Variants in CSMD1 observed in about 807,000 individuals in gnomAD.
The protein encoded by CSMD1 is CUB and sushi domain-containing protein 1.
CSMD1 carries 213 observed loss-of-function variants against 417.5 expected under a neutral mutation model. That is an observed-to-expected ratio of 0.51 (90% confidence interval 0.46 to 0.57). The LOEUF is 0.57. Ranked by LOEUF, CSMD1 falls within the 20% of genes least tolerant of loss-of-function variation. The pLI is 0.00. For missense variants in CSMD1, 6,923 were observed against 4,529.7 expected (o/e 1.53, Z -15.17); for synonymous variants, 2,862 against 1,736.8 (o/e 1.65, Z -16.11).
intron 3 of CSMD1, among the ~76,000 whole-genome samples, chr8:4,302,836 G>A (rs1414548917): frequency 6.6e-6 from 1 of 152,106 alleles, no homozygotes; most frequent in Non-Finnish European, 1.5e-5. Context: ...TAGTGACCCT[G>A]TGTTTTCCAG....
intron 41 of CSMD1, among the ~76,000 whole-genome samples, chr8:3,133,693 G>A (rs1410579731): frequency 6.6e-6 from 1 of 152,152 alleles, no homozygotes; most frequent in Non-Finnish European, 1.5e-5. Flanking sequence ...GAGACAGGAG[G>A]CTGCTGGCAG....
intron 3 of CSMD1, among the ~76,000 whole-genome samples, chr8:4,320,703 C>G (rs1204833960): frequency 6.6e-6 from 1 of 152,156 alleles, no homozygotes; most frequent in Non-Finnish European, 1.5e-5. Flanking sequence ...TTTTTTATGG[C>G]TGCATAGTAT....
intron 3 of CSMD1, among the ~76,000 whole-genome samples, chr8:4,234,818 G>C (rs1287436155): frequency 3.3e-5 from 5 of 152,148 alleles, no homozygotes; most frequent in African/African-American, 1.2e-4. Context: ...TGGTTGGAGA[G>C]ATAAGAACAG....
In CSMD1 at chr8:3,526,356, G is replaced by A. The variant is rs144132954; in HGVS notation, c.1345-32630C>T. On this transcript the variant is annotated intron_variant, in intron 10 of 69. Transcript: ENST00000635120. ...GAAATTGGACACTCCAAATCCCTTT[G>A]GTGTGAGTTGAGAGTAATAACGTCT... Among the ~76,000 whole-genome samples, 759 of 151,996 alleles carry A rather than the reference G, an allele frequency of 5.0e-3. 5 individuals carry two copies. Among genetic ancestry groups the A allele is most frequent in the African/African-American group, 0.017 (725 of 41,432 alleles).
intron 5 of CSMD1, among the ~76,000 whole-genome samples, chr8:3,810,898 T>C (rs137992837): frequency 7.2e-5 from 11 of 152,260 alleles, no homozygotes; most frequent in African/African-American, 1.2e-4. Context: ...CCCTGAGATG[T>C]TGAGAAAAGT....
At chr8:3,752,807 G>C (rs1036534181) in intron 6 of CSMD1, among the ~76,000 whole-genome samples, 2 of 151,638 alleles carry the variant, frequency 1.3e-5, no homozygotes, top group South Asian at 2.1e-4. Context: ...TGCTGGTTCC[G>C]ATGTGTACTT....
At chr8:3,766,935 C>G (rs374968350) in intron 5 of CSMD1, among the ~76,000 whole-genome samples, 1 of 152,070 alleles carries the variant, frequency 6.6e-6, no homozygotes, top group Non-Finnish European at 1.5e-5. Context: ...CCAACGAGTC[C>G]GACGGCAACA....
At chr8:4,406,907 G>A (rs1192377340) in intron 3 of CSMD1, among the ~76,000 whole-genome samples, 2 of 152,170 alleles carry the variant, frequency 1.3e-5, no homozygotes, top group Admixed American at 6.6e-5. Context: ...TGTGCATTGA[G>A]AAAGTGGGTT....
At chr8:4,081,194 T>G (rs1039471884) in intron 3 of CSMD1, among the ~76,000 whole-genome samples, 1 of 152,178 alleles carries the variant, frequency 6.6e-6, no homozygotes, top group Non-Finnish European at 1.5e-5. Context: ...ATTTATAAAT[T>G]ATCCAGTCTG....
intron 34 of CSMD1, 126 bp from the exon 35 acceptor site, chr8:3,189,137 C>A: frequency 1.2e-6 from 1 of 830,276 alleles, no homozygotes; most frequent in South Asian, 2.9e-5. Context: ...ATACGTTAAA[C>A]GGCACTTTTA....
intron 3 of CSMD1, among the ~76,000 whole-genome samples, chr8:4,141,482 A>G (rs901118589): frequency 6.6e-6 from 1 of 151,162 alleles, no homozygotes; most frequent in African/African-American, 2.5e-5. Context: ...ACAATATGCC[A>G]TTTGGTCTTC....
intron 40 of CSMD1, among the ~76,000 whole-genome samples, chr8:3,149,426 T>A (rs1464111665): frequency 1.3e-5 from 2 of 152,216 alleles, no homozygotes; most frequent in African/African-American, 4.8e-5. Flanking sequence ...TTGTTGTTGT[T>A]GTTTATCACG....
Position 3,586,207 on chromosome 8 carries a change from G to T in CSMD1, c.1151C>A (p.Ser384Tyr). The change falls in exon 9 of 70, where the codon TCT becomes TAT. Residue 384 changes from serine to tyrosine, a missense_variant. Physicochemically the swap from Ser to Tyr is moderately radical, Grantham distance 144 (BLOSUM62 -2). Transcript: ENST00000635120. ...AACTCTCTGACAGGTGATGCTTTTA[G>T]ATCCCTGGAGCACGTAATTGTCCTC... ...SCEDNYVLQG[S>Y]KSITCQRVTE... 1.2e-6 allele frequency: 2 copies of T among 1,611,346 alleles called. No homozygotes were observed. The highest frequency in any genetic ancestry group is 1.7e-6 in the Non-Finnish European group (2 of 1,179,262).
rs111805456 is a variant in CSMD1, at chr8:4,810,281, T to C, written c.86-172723A>G. ...AATGATTTACCTAATAAAATTCAAA[T>C]TGATTTTCTCATAGTCAAATTTAAT... is the stretch of plus-strand genomic sequence containing the variant. On this transcript the variant is annotated intron_variant, in intron 1 of 69. Coordinates refer to ENST00000635120, the MANE Select transcript of CSMD1 (RefSeq NM_033225.6). Among the ~76,000 whole-genome samples, 1,006 of 152,356 alleles carry C rather than the reference T, an allele frequency of 6.6e-3. 9 individuals are homozygous for C. Among genetic ancestry groups the C allele is most frequent in the African/African-American group, 0.023 (977 of 41,580 alleles).
intron 2 of CSMD1, among the ~76,000 whole-genome samples, chr8:4,452,239 C>A (rs1799189037): frequency 6.6e-6 from 1 of 152,136 alleles, no homozygotes; most frequent in Non-Finnish European, 1.5e-5. Context: ...TTCCAACAAC[C>A]CAAACTGAAC....
At chr8:3,173,620 G>T (rs568029624) in intron 37 of CSMD1, among the ~76,000 whole-genome samples, 1 of 152,188 alleles carries the variant, frequency 6.6e-6, no homozygotes, top group Non-Finnish European at 1.5e-5. Flanking sequence ...TACACTATTG[G>T]ATGAATGCTG....
intron 5 of CSMD1, among the ~76,000 whole-genome samples, chr8:3,804,650 A>T (rs117134639): frequency 0.012 from 1,775 of 152,332 alleles, 16 homozygotes; most frequent in Non-Finnish European, 0.017. Flanking sequence ...CACATAATTC[A>T]AAATAGAAGT....
intron 33 of CSMD1, among the ~76,000 whole-genome samples, chr8:3,192,080 A>C (rs1182709982): frequency 6.6e-6 from 1 of 152,180 alleles, no homozygotes; most frequent in East Asian, 1.9e-4. Flanking sequence ...TTCCATGAAA[A>C]CGGAAATTGG....
chr8:4,257,230 C>G (rs927006843), intron 3 of CSMD1, among the ~76,000 whole-genome samples: 4 of 152,084 alleles, frequency 2.6e-5, no homozygotes, highest in African/African-American at 9.7e-5. Flanking sequence ...GAGACTAATA[C>G]TATTCTGCCA....
Sources: gnomAD v4.1 joint callset for allele counts (sites outside exome capture counted in the v4.1 genomes callset) on GRCh38, gnomAD v4.1.1 for gene constraint, MANE v1.5 for transcripts, NCBI Gene and HGNC (gene_info 2026-07-23, HGNC 2026-07-21) for gene names.